Variants in UNC5B observed in about 807,000 individuals in gnomAD.
UNC5B encodes the protein netrin receptor UNC5B.
UNC5B carries 56 observed loss-of-function variants against 103.7 expected under a neutral mutation model. The observed-to-expected ratio is 0.54, with a 90% CI of 0.44 to 0.67. The LOEUF is 0.67. Ranked by LOEUF, UNC5B falls within the 30% of genes least tolerant of loss-of-function variation. The probability of loss-of-function intolerance (pLI) is 0.00; values close to 1 mark genes in which losing one functional copy is unlikely to be tolerated. For missense variants in UNC5B, 1,194 were observed against 1,284.5 expected (o/e 0.93, Z 1.08); for synonymous variants, 577 against 542.0 (o/e 1.06, Z -0.90).
At position 71,212,996 on chromosome 10, in the gene UNC5B, G is replaced by T; in HGVS notation, c.11G>T (p.Arg4Leu). The T allele has an allele frequency of 7.1e-7, 1 of 1,400,812 alleles. No homozygotes were observed. The highest frequency in any genetic ancestry group is 9.3e-7 in the Non-Finnish European group (1 of 1,072,146). The allele number at this position is 1,400,812 out of a possible 1,614,324, so 86.8% of individuals were successfully genotyped here. MGA[R>L]SGARGALLLA... Reference sequence around the variant, plus strand: ...CCAGGCCGCGGGAGCATGGGGGCCCGGAGCGGAGCTCGGGGCGCGCTGCTG... The same window carrying T: ...CCAGGCCGCGGGAGCATGGGGGCCCTGAGCGGAGCTCGGGGCGCGCTGCTG... The change falls in exon 1 of 17, where the codon CGG (arginine) becomes CTG (leucine). Residue 4 changes from arginine (R) to leucine (L), a missense_variant. Physicochemically the swap from Arg to Leu is moderately radical, Grantham distance 102. Coordinates refer to ENST00000335350, the MANE Select transcript of UNC5B (RefSeq NM_170744.5).
intron 1 of UNC5B, among the ~76,000 whole-genome samples, chr10:71,264,533 T>C (rs1444959386): frequency 6.6e-6 from 1 of 152,212 alleles, no homozygotes; most frequent in East Asian, 1.9e-4. Flanking sequence ...TGCTGCTGTG[T>C]AATTCCTTCA....
At position 71,285,401 on chromosome 10, in the gene UNC5B, G is replaced by T. The variant is rs138539665; in HGVS notation, c.524G>T (p.Arg175Leu). The T allele has an allele frequency of 1.2e-6, 2 of 1,605,356 alleles. No individual in the cohort carries two copies. Among genetic ancestry groups the T allele is most frequent in the Middle Eastern group, 1.7e-4 (1 of 6,050 alleles). Residue 175 changes from arginine to leucine, a missense_variant, in exon 4 of 17, where the codon CGC (arginine) becomes CTC (leucine). Arg to Leu is a moderately radical substitution (Grantham distance 102, BLOSUM62 -2). Transcript: ENST00000335350. ...GACCATGAGGTTCTCCTGCAGTGCC[G>T]CCCGCCGGAGGGGGTGCCTGTGGCC... ...PLDHEVLLQC[R>L]PPEGVPVAEV...
At chr10:71,256,787 C>T (rs1021611489) in intron 1 of UNC5B, among the ~76,000 whole-genome samples, 4 of 152,234 alleles carry the variant, frequency 2.6e-5, no homozygotes, top group African/African-American at 4.8e-5. Context: ...ACCTAACCCC[C>T]TCAATGATAG....
At chr10:71,233,636 C>T (rs139728238) in intron 1 of UNC5B, among the ~76,000 whole-genome samples, 7 of 152,364 alleles carry the variant, frequency 4.6e-5, no homozygotes, top group Non-Finnish European at 7.3e-5. Flanking sequence ...CCCAGCCCCT[C>T]AGCTGCCACA....
At chr10:71,283,885 G>A (rs2132302224) in intron 2 of UNC5B, among the ~76,000 whole-genome samples, 1 of 152,318 alleles carries the variant, frequency 6.6e-6, no homozygotes, top group East Asian at 1.9e-4. Flanking sequence ...CAGGGCCTGA[G>A]TAGTGACCAG....
intron 7 of UNC5B, 99 bp downstream of exon 7, chr10:71,288,831 A>T: frequency 6.4e-7 from 1 of 1,551,634 alleles, no homozygotes; most frequent in Non-Finnish European, 8.8e-7. Flanking sequence ...AGCCTGCAGC[A>T]CGGCAGTCCT....
chr10:71,227,274 C>A (rs531797982), intron 1 of UNC5B, among the ~76,000 whole-genome samples: 1 of 152,114 alleles, frequency 6.6e-6, no homozygotes, highest in African/African-American at 2.4e-5. Flanking sequence ...TGTGAGCCAT[C>A]GCACCCAGCC....
intron 1 of UNC5B, among the ~76,000 whole-genome samples, chr10:71,263,453 C>G (rs779968350): frequency 6.6e-6 from 1 of 152,170 alleles, no homozygotes; most frequent in Non-Finnish European, 1.5e-5. Context: ...CCAGAGAGCT[C>G]GAGCTGAGAG....
At chr10:71,285,739 C>G (rs1845060100) in intron 4 of UNC5B, among the ~76,000 whole-genome samples, 1 of 152,210 alleles carries the variant, frequency 6.6e-6, no homozygotes, top group Admixed American at 6.5e-5. Flanking sequence ...CACCCAGAAC[C>G]CAAGGCCCCA....
intron 1 of UNC5B, among the ~76,000 whole-genome samples, chr10:71,243,389 C>T (rs988064903): frequency 4.6e-5 from 7 of 152,130 alleles, no homozygotes; most frequent in African/African-American, 1.7e-4. Flanking sequence ...GGGATGGGGA[C>T]GTCTTCTGCC....
intron 1 of UNC5B, among the ~76,000 whole-genome samples, chr10:71,266,487 C>T (rs1844526776): frequency 6.6e-6 from 1 of 152,212 alleles, no homozygotes; most frequent in Non-Finnish European, 1.5e-5. Context: ...GCGATTACAT[C>T]AGCAGGTGCA....
intron 1 of UNC5B, among the ~76,000 whole-genome samples, chr10:71,278,680 C>T (rs942917161): frequency 2.6e-5 from 4 of 152,238 alleles, no homozygotes; most frequent in Non-Finnish European, 2.9e-5. Context: ...AACAAGTGCA[C>T]GATCCCAGTG....
At chr10:71,285,006 A>C (rs1287540732) in intron 3 of UNC5B, 143 bp downstream of exon 3, 1 of 1,264,692 alleles carries the variant, frequency 7.9e-7, no homozygotes, top group East Asian at 2.5e-5. Context: ...CAGCACATGG[A>C]TGCCAGCTCA....
intron 1 of UNC5B, among the ~76,000 whole-genome samples, chr10:71,242,189 G>A (rs550879835): frequency 2.6e-5 from 4 of 152,282 alleles, no homozygotes; most frequent in Admixed American, 1.3e-4. Flanking sequence ...CCCTTCCTGC[G>A]TGGCGTCCGT....
intron 3 of UNC5B, 56 bp downstream of exon 3, chr10:71,284,919 A>G: frequency 6.5e-7 from 1 of 1,529,622 alleles, no homozygotes; most frequent in East Asian, 2.3e-5. Flanking sequence ...ATCCCTGAGG[A>G]TGCTGGAGAG....
chr10:71,212,763 A>C lies in UNC5B; in HGVS notation c.-223A>C. On this transcript the variant is annotated 5_prime_UTR_variant, in exon 1 of 17. Transcript: ENST00000335350. ...ACCCGGAGCCAGAGGGGCGCGCCGGAGCCTCGTTCGAGAGCCGGCGCCAGG... is the reference window on the plus strand; with the variant it reads ...ACCCGGAGCCAGAGGGGCGCGCCGGCGCCTCGTTCGAGAGCCGGCGCCAGG... The C allele has an allele frequency of 2.8e-6, 1 of 351,882 alleles. No homozygotes were observed. The highest frequency in any genetic ancestry group is 5.1e-6 in the Non-Finnish European group (1 of 196,558). 21.8% of individuals were successfully genotyped at this position (351,882 alleles called of 1,614,324 possible).
rs1335607004 is a variant in UNC5B at position 71,301,311 on chromosome 10, C to G, written c.*2034C>G. The G allele has an allele frequency of 6.6e-6, 1 of 152,302 alleles. No homozygotes were observed. Among genetic ancestry groups the G allele is most frequent in the Non-Finnish European group, 1.5e-5 (1 of 68,084 alleles). 9.4% of individuals were successfully genotyped at this position (152,302 alleles called of 1,614,324 possible). A position where few individuals can be genotyped will look rare whatever the true frequency, so the allele number is the denominator to read the frequency against. On this transcript the variant is annotated 3_prime_UTR_variant, in exon 17 of 17. Coordinates refer to ENST00000335350, the MANE Select transcript of UNC5B (RefSeq NM_170744.5). ...CGTGGGGCTTCTTACCACCCACCAG[C>G]CCCGCTGGGGTGCGGCCTGGCTGTG...
chr10:71,232,519 G>A (rs962590545), intron 1 of UNC5B, among the ~76,000 whole-genome samples: 2 of 152,282 alleles, frequency 1.3e-5, no homozygotes, highest in African/African-American at 4.8e-5. Flanking sequence ...CGGGGCTGGA[G>A]GGGGAGGGGC....
At chr10:71,279,750 CG>C in intron 1 of UNC5B, 70 bp from the exon 2 acceptor site, 1 of 1,509,124 alleles carries the variant, frequency 6.6e-7, no homozygotes, top group Non-Finnish European at 9.0e-7. Flanking sequence ...GGTGGGCCCC[CG>C]GGGTGGGCGA....
Sources: allele counts gnomAD v4.1 joint callset (sites outside exome capture counted in the v4.1 genomes callset), GRCh38; gene constraint gnomAD v4.1.1; transcripts MANE v1.5; gene names NCBI Gene and HGNC (gene_info 2026-07-23, HGNC 2026-07-21).